Variants in COL19A1 observed in about 807,000 individuals in gnomAD.
COL19A1 encodes the protein collagen alpha-1(XIX) chain.
Under a neutral mutation model 190.2 loss-of-function variants are expected in COL19A1, and 159 were observed. The ratio of observed to expected loss-of-function variants is 0.84; its 90% CI spans 0.73 to 0.95. COL19A1 has a LOEUF of 0.95. Among genes scored for constraint, COL19A1 ranks in the 40% least tolerant of loss-of-function variants. The pLI is 0.00. For synonymous variants in COL19A1, 509 were observed against 458.9 expected (o/e 1.11, Z -1.39); for missense variants, 1,418 against 1,431.9 (o/e 0.99, Z 0.16).
At chr6:70,184,283 A>G (rs536143461) in intron 44 of COL19A1, among the ~76,000 whole-genome samples, 31 of 152,348 alleles carry the variant, frequency 2.0e-4, no homozygotes, top group Middle Eastern at 6.8e-3. Flanking sequence ...AGGTAACAAA[A>G]ATGCCATACT....
rs1003018359 is a variant in COL19A1 at position 70,210,367 on chromosome 6, C to T, written c.*3093C>T. On this transcript the variant is annotated 3_prime_UTR_variant, in exon 51 of 51. Coordinates refer to ENST00000620364, the MANE Select transcript of COL19A1 (RefSeq NM_001858.6). ...GTTCATTGTTCTTTCCAACTGAAGG[C>T]AGTAACCATTACTTCTAACCGTAAC... is the stretch of plus-strand genomic sequence containing the variant. 6.6e-6 allele frequency among the ~76,000 whole-genome samples: 1 copy of T among 152,130 alleles called. No individual in the cohort carries two copies. The highest frequency in any genetic ancestry group is 2.4e-5 in the African/African-American group (1 of 41,432).
At chr6:69,970,127 A>T (rs1775337723) in intron 11 of COL19A1, among the ~76,000 whole-genome samples, 1 of 152,168 alleles carries the variant, frequency 6.6e-6, no homozygotes, top group Admixed American at 6.5e-5. Flanking sequence ...ATATATGGAG[A>T]GGTGAAAAAA....
chr6:70,092,727 C>T (rs1783007953), intron 15 of COL19A1, among the ~76,000 whole-genome samples: 1 of 152,148 alleles, frequency 6.6e-6, no homozygotes, highest in Non-Finnish European at 1.5e-5. Flanking sequence ...TTGTACTAGT[C>T]AATTCAATCC....
chr6:70,041,060 C>T (rs1200138565), intron 14 of COL19A1, among the ~76,000 whole-genome samples: 1 of 152,020 alleles, frequency 6.6e-6, no homozygotes, highest in East Asian at 1.9e-4. Flanking sequence ...ACACTTTCAG[C>T]CCAGAAGGTG....
chr6:69,970,975 C>G (rs1429333922), intron 11 of COL19A1, among the ~76,000 whole-genome samples: 3 of 152,020 alleles, frequency 2.0e-5, no homozygotes, highest in Non-Finnish European at 2.9e-5. Flanking sequence ...ATGGTAATCC[C>G]ACAGCCAAGC....
In COL19A1 at chr6:69,926,572, A is replaced by G. The variant is rs116902241; in HGVS notation, c.267-1337A>G. On this transcript the variant is annotated intron_variant, in intron 4 of 50. Transcript: ENST00000620364. ...GAGAAGAAAGAATCCAGGAACTTGA[A>G]GATAGTTCAATTAGTCTGCAGATCG... Among the ~76,000 whole-genome samples the G allele has an allele frequency of 6.7e-4, 102 of 152,210 alleles. 3 individuals carry two copies. The East Asian group carries it at 0.018, about 27-fold the overall frequency.
intron 11 of COL19A1, among the ~76,000 whole-genome samples, chr6:69,996,391 C>T (rs1582637821): frequency 6.6e-6 from 1 of 151,924 alleles, no homozygotes; most frequent in Non-Finnish European, 1.5e-5. Context: ...TTTTTCTTAG[C>T]CTTATATTTG....
rs1310772126 is a variant in COL19A1, at chr6:70,171,881, G to A, written c.2569-83G>A. On this transcript the variant is annotated intron_variant, in intron 40 of 50. Transcript: ENST00000620364. ...TCAATGTTTGGGGTGGGAAGGTTAA[G>A]CAAAAAAATCTTTGCTTTGGAAACC... 9 of 1,348,396 alleles carry A rather than the reference G, an allele frequency of 6.7e-6. No individual in the cohort carries two copies. The South Asian group carries it at 7.3e-5, about 11-fold the overall frequency. 83.5% of individuals were successfully genotyped at this position (1,348,396 alleles called of 1,614,324 possible).
At chr6:69,873,254 A>G (rs926763767) in intron 1 of COL19A1, among the ~76,000 whole-genome samples, 1 of 135,370 alleles carries the variant, frequency 7.4e-6, no homozygotes, top group Non-Finnish European at 1.5e-5. Flanking sequence ...AAATTCCCTG[A>G]AAAAAAAAAA....
At chr6:70,032,572 A>T (rs1448353286) in intron 12 of COL19A1, among the ~76,000 whole-genome samples, 1 of 152,182 alleles carries the variant, frequency 6.6e-6, no homozygotes, top group African/African-American at 2.4e-5. Context: ...TATTTAATGC[A>T]ATATATCCAA....
At chr6:69,945,097 C>A in intron 9 of COL19A1, among the ~76,000 whole-genome samples, 1 of 151,830 alleles carries the variant, frequency 6.6e-6, no homozygotes, top group South Asian at 2.1e-4. Context: ...AATATTAGCT[C>A]AATTTTAATG....
At chr6:70,194,143 T>A (rs1767050633) in intron 48 of COL19A1, among the ~76,000 whole-genome samples, 1 of 152,182 alleles carries the variant, frequency 6.6e-6, no homozygotes, top group Non-Finnish European at 1.5e-5. Flanking sequence ...AGAGCCATTG[T>A]CTCCGAGCGG....
In COL19A1 at chr6:70,146,842, TC is replaced by T; in HGVS notation, c.1850del (p.Pro617GlnfsTer4). The T allele has an allele frequency of 6.3e-7, 1 of 1,597,268 alleles. No homozygotes were observed. Among genetic ancestry groups the T allele is most frequent in the Non-Finnish European group, 8.5e-7 (1 of 1,173,304 alleles). On this transcript the variant is annotated frameshift_variant, in exon 27 of 51. Transcript: ENST00000620364. LOFTEE classifies it high-confidence loss of function. The stretch of plus-strand genomic sequence containing the variant: ...AAGAGGACTTCCAGGTGTTCACGGT[TC>T]CCCAGGGGACATAGGCCCACAAGGG... ...GERGLPGVHG[S>X]PGDIGPQGIG...
rs368511254 is a variant in COL19A1, at chr6:70,036,307, C to A, written c.1170+368C>A. 2.0e-4 allele frequency among the ~76,000 whole-genome samples: 31 copies of A among 152,272 alleles called. No homozygotes were observed. In the South Asian group the frequency reaches 5.8e-3, roughly 28 times the overall value. On this transcript the variant is annotated intron_variant, in intron 14 of 50. Coordinates refer to ENST00000620364, the MANE Select transcript of COL19A1 (RefSeq NM_001858.6). ...ACTTGCTTTAAAAACTGTAAAAGGA[C>A]AAAACAAACTCTAATCACCCAGTGA...
chr6:69,960,846 T>C (rs1774748021), intron 10 of COL19A1, among the ~76,000 whole-genome samples: 1 of 151,992 alleles, frequency 6.6e-6, no homozygotes, highest in African/African-American at 2.4e-5. Context: ...TTAGCCAGGA[T>C]GGTCTCGATC....
chr6:69,902,096 C>T (rs138411389), intron 4 of COL19A1, among the ~76,000 whole-genome samples: 3 of 152,212 alleles, frequency 2.0e-5, no homozygotes, highest in African/African-American at 4.8e-5. Context: ...TATAGGAAAC[C>T]GGGGGTATCT....
In COL19A1 at chr6:70,120,405, A is replaced by G. The variant is rs556128402; in HGVS notation, c.1279-1475A>G. 1.5e-3 allele frequency among the ~76,000 whole-genome samples: 221 copies of G among 152,258 alleles called. 1 individual carries two copies. Among genetic ancestry groups the G allele is most frequent in the African/African-American group, 5.1e-3 (212 of 41,558 alleles). ...ATTATATGTTTGCAGAAGGATCAAC[A>G]TGTATGGAACTTCATGTCTCCTGAC... On this transcript the variant is annotated intron_variant, in intron 16 of 50. Coordinates refer to ENST00000620364, the MANE Select transcript of COL19A1 (RefSeq NM_001858.6).
chr6:70,028,112 A>G (rs1166543222), intron 12 of COL19A1, among the ~76,000 whole-genome samples: 2 of 152,174 alleles, frequency 1.3e-5, no homozygotes, highest in African/African-American at 4.8e-5. Context: ...GTCAGCTGAA[A>G]TGAACTGACA....
At chr6:70,032,260 C>T (rs1031922711) in intron 12 of COL19A1, among the ~76,000 whole-genome samples, 1 of 152,148 alleles carries the variant, frequency 6.6e-6, no homozygotes, top group Non-Finnish European at 1.5e-5. Context: ...GTGAGAGATT[C>T]TCTCTAAACA....
Sources: gnomAD v4.1 joint callset for allele counts (sites outside exome capture counted in the v4.1 genomes callset) on GRCh38, gnomAD v4.1.1 for gene constraint, MANE v1.5 for transcripts, NCBI Gene and HGNC (gene_info 2026-07-23, HGNC 2026-07-21) for gene names.